Variants in TNKS2 observed in about 807,000 individuals in gnomAD.
TNKS2 encodes poly [ADP-ribose] polymerase tankyrase-2.
Under a neutral mutation model 137.6 loss-of-function variants are expected in TNKS2, and 72 were observed. The ratio of observed to expected loss-of-function variants is 0.52; its 90% CI spans 0.43 to 0.64. The LOEUF is 0.64. Among genes scored for constraint, TNKS2 ranks in the 30% least tolerant of loss-of-function variants. The pLI is 0.00. For synonymous variants in TNKS2, 516 were observed against 512.1 expected, an observed-to-expected ratio of 1.01 and a Z score of -0.10; for missense variants, 1,049 against 1,410.2, an observed-to-expected ratio of 0.74 and a Z score of 4.10.
chr10:91,862,086 C>T lies in TNKS2; in HGVS notation c.3369C>T (p.His1123=), dbSNP rs777703630. 1 of 1,613,360 alleles carries T rather than the reference C, an allele frequency of 6.2e-7. No individual in the cohort carries two copies. Among genetic ancestry groups the T allele is most frequent in the Admixed American group, 1.7e-5 (1 of 59,944 alleles). The change falls in exon 26 of 27, where the codon CAC becomes CAT. Residue 1123 remains histidine, a synonymous_variant. Coordinates refer to ENST00000371627, the MANE Select transcript of TNKS2 (RefSeq NM_025235.4). ...MKMAHSPPGH[H]SVTGRPSVNG... ...TGGCACATTCTCCTCCAGGTCATCA[C>T]TCAGTCACTGGTAGGCCCAGTGTAA... is the stretch of plus-strand genomic sequence containing the variant.
rs1354580851 is a variant in TNKS2, at chr10:91,798,762, C to T, written c.72C>T (p.Ala24=). 1.6e-6 allele frequency: 2 copies of T among 1,254,048 alleles called. No individual in the cohort carries two copies. The highest frequency in any genetic ancestry group is 6.3e-5 in the East Asian group (2 of 31,780). 77.7% of individuals were successfully genotyped at this position (1,254,048 alleles called of 1,614,324 possible). A position where few individuals can be genotyped will look rare whatever the true frequency, so the allele number is the denominator to read the frequency against. ...CCGCGGCCGAGGCCGTGGAGCCGGC[C>T]GCCCGAGAGCTGTTCGAGGCGTGCC... ...ASAAAEAVEP[A]ARELFEACRN... is the part of the protein sequence containing the mutation. The change falls in exon 1 of 27, where the codon GCC becomes GCT. Residue 24 remains alanine (A), a synonymous_variant. Coordinates refer to ENST00000371627, the MANE Select transcript of TNKS2 (RefSeq NM_025235.4).
chr10:91,820,451 C>T (rs1175146117), intron 6 of TNKS2, among the ~76,000 whole-genome samples: 5 of 152,146 alleles, frequency 3.3e-5, no homozygotes, highest in African/African-American at 1.2e-4. Context: ...GTCTGTAAGA[C>T]AATTGGGATA....
At chr10:91,819,214 A>C in intron 3 of TNKS2, 56 bp from the exon 4 acceptor site, 1 of 1,093,772 alleles carries the variant, frequency 9.1e-7, no homozygotes, top group Non-Finnish European at 1.3e-6. Context: ...TTTTTGCATA[A>C]AACTCATTAA....
intron 7 of TNKS2, among the ~76,000 whole-genome samples, chr10:91,823,202 C>T (rs1844956390): frequency 1.3e-5 from 2 of 151,910 alleles, no homozygotes; most frequent in Non-Finnish European, 2.9e-5. Context: ...AGTTGTACTT[C>T]GAGTTGGAGC....
chr10:91,828,555 G>A (rs931238179), intron 9 of TNKS2, 149 bp downstream of exon 9: 23 of 882,694 alleles, frequency 2.6e-5, no homozygotes, highest in Non-Finnish European at 3.6e-5. Context: ...AATTTAAACA[G>A]TACCAAAAAA....
Position 91,836,034 on chromosome 10 carries a change from A to ATTT in TNKS2, c.1448-862_1448-860dup, listed in dbSNP as rs777452772. The stretch of plus-strand genomic sequence containing the variant: ...GTGTGTGTGTGTGTGTGTGTGTGTA[A>ATTT]TTTTTTTTTTTTTTTTTTTTTTTTT... On this transcript the variant is annotated intron_variant, in intron 12 of 26. Coordinates refer to ENST00000371627, the MANE Select transcript of TNKS2 (RefSeq NM_025235.4). 1.1e-3 allele frequency among the ~76,000 whole-genome samples: 58 copies of ATTT among 53,516 alleles called. 7 individuals carry two copies. Among genetic ancestry groups the ATTT allele is most frequent in the African/African-American group, 3.9e-3 (50 of 12,884 alleles). The allele number at this position is 53,516 out of a possible 152,430, so 35.1% of individuals were successfully genotyped here.
At chr10:91,823,905 A>G (rs957255536) in intron 7 of TNKS2, among the ~76,000 whole-genome samples, 10 of 152,212 alleles carry the variant, frequency 6.6e-5, no homozygotes, top group Admixed American at 6.5e-5. Flanking sequence ...TGAGTAGCAT[A>G]TTAAACTTAT....
Position 91,798,510 on chromosome 10 carries a change from C to A in TNKS2, c.-181C>A. On this transcript the variant is annotated 5_prime_UTR_variant, in exon 1 of 27. Transcript: ENST00000371627. Reference sequence around the variant, plus strand: ...CGCGGGGCAGCCGGGGGGCAGGGAGCCCAGCGAGGGGCGCGCGTGGGCGCG... The same window carrying A: ...CGCGGGGCAGCCGGGGGGCAGGGAGACCAGCGAGGGGCGCGCGTGGGCGCG... The A allele has an allele frequency of 1.6e-6, 1 of 642,084 alleles. No individual in the cohort carries two copies. Among genetic ancestry groups the A allele is most frequent in the Non-Finnish European group, 2.1e-6 (1 of 465,846 alleles). The allele number at this position is 642,084 out of a possible 1,614,324, so 39.8% of individuals were successfully genotyped here.
intron 9 of TNKS2, 119 bp from the exon 10 acceptor site, chr10:91,830,804 C>T (rs1360330112): frequency 1.5e-5 from 13 of 860,050 alleles, no homozygotes; most frequent in Admixed American, 3.1e-5. Context: ...AGCAAAGTTG[C>T]GTCAAAAGTA....
chr10:91,841,196 C>G (rs1842201469), intron 14 of TNKS2, 87 bp from the exon 15 acceptor site: 1 of 1,178,068 alleles, frequency 8.5e-7, no homozygotes, highest in Admixed American at 2.8e-5. Flanking sequence ...TTATGTAGTT[C>G]AAGAATTATC....
intron 2 of TNKS2, among the ~76,000 whole-genome samples, chr10:91,814,504 A>G (rs1844610242): frequency 6.6e-6 from 1 of 152,228 alleles, no homozygotes; most frequent in Admixed American, 6.5e-5. Flanking sequence ...GTCTACAGTA[A>G]TGTATTATAA....
chr10:91,834,393 C>T (rs1438752766), intron 12 of TNKS2, among the ~76,000 whole-genome samples: 1 of 152,140 alleles, frequency 6.6e-6, no homozygotes, highest in Non-Finnish European at 1.5e-5. Context: ...AACTATTTGG[C>T]TTATTGAAAC....
chr10:91,833,248 G>A (rs1375955357), intron 11 of TNKS2, among the ~76,000 whole-genome samples: 5 of 152,144 alleles, frequency 3.3e-5, no homozygotes, highest in East Asian at 1.9e-4. Flanking sequence ...ATAAAAGTGC[G>A]TTCTAGGCCT....
chr10:91,849,421 A>G (rs1233474825), intron 19 of TNKS2, 91 bp from the exon 20 acceptor site: 11 of 926,448 alleles, frequency 1.2e-5, no homozygotes, highest in Non-Finnish European at 1.8e-5. Flanking sequence ...TTCTTCATAT[A>G]TAGTAACATT....
chr10:91,848,387 A>G lies in TNKS2; in HGVS notation c.2363A>G (p.Asp788Gly). Residue 788 changes from aspartate to glycine, a missense_variant, in exon 19 of 27, where the codon GAT becomes GGT. By Grantham distance (94) the Asp-to-Gly change is moderately conservative (BLOSUM62 -1). Transcript: ENST00000371627. ...GQTPLDLVSA[D>G]DVSALLTAAM... ...TGTCTCTGACACGTACCCTAGGCGG[A>G]TGATGTCAGCGCTCTTCTGACAGCA... 6.2e-7 allele frequency: 1 copy of G among 1,614,022 alleles called. No homozygotes were observed.
chr10:91,811,176 G>A (rs1319406969), intron 1 of TNKS2, among the ~76,000 whole-genome samples: 3 of 151,622 alleles, frequency 2.0e-5, no homozygotes, highest in Middle Eastern at 3.4e-3. Flanking sequence ...TGCCCACCTG[G>A]GCCTCCCAAA....
intron 21 of TNKS2, among the ~76,000 whole-genome samples, chr10:91,852,477 G>A (rs1419831579): frequency 3.3e-5 from 5 of 152,032 alleles, no homozygotes; most frequent in South Asian, 2.1e-4. Context: ...GGAGAATGGC[G>A]TGAACCCGGG....
At chr10:91,819,585 C>T (rs749293939) in intron 5 of TNKS2, 28 bp downstream of exon 5, 47 of 1,512,594 alleles carry the variant, frequency 3.1e-5, no homozygotes, top group Non-Finnish European at 4.2e-5. Context: ...TGAGTTTGTG[C>T]TTATCTCCTG....
At position 91,813,065 on chromosome 10, in the gene TNKS2, T is replaced by C. The variant is rs1382651929; in HGVS notation, c.282T>C (p.Pro94=). Residue 94 remains proline (P), a synonymous_variant, in exon 2 of 27, where the codon CCT becomes CCC. Transcript: ENST00000371627. ...CACGTGATGATGGGGGCCTTATTCC[T>C]CTTCATAATGCATGCTCTTTTGGTC... is the stretch of plus-strand genomic sequence containing the variant. The part of the protein sequence containing the change: ...VQARDDGGLI[P]LHNACSFGHA... 2.5e-6 allele frequency: 4 copies of C among 1,614,196 alleles called. No homozygotes were observed. The highest frequency in any genetic ancestry group is 1.1e-5 in the South Asian group (1 of 91,086).
Sources: gnomAD v4.1 joint callset for allele counts (sites outside exome capture counted in the v4.1 genomes callset) on GRCh38, gnomAD v4.1.1 for gene constraint, MANE v1.5 for transcripts, NCBI Gene and HGNC (gene_info 2026-07-23, HGNC 2026-07-21) for gene names.